Variants in PATJ observed in about 807,000 individuals in gnomAD.
PATJ encodes the protein PATJ crumbs cell polarity complex component, also known as inaD-like protein.
A neutral mutation model predicts 224.9 loss-of-function variants in PATJ; 190 were observed. The observed-to-expected ratio is 0.84, with a 90% confidence interval of 0.75 to 0.95. The LOEUF (loss-of-function observed/expected upper bound fraction) is 0.95, where lower values mean the gene tolerates loss of function less well. Among genes scored for constraint, PATJ ranks in the 40% least tolerant of loss-of-function variants. The pLI is 0.00. For synonymous variants in PATJ, 769 were observed against 820.3 expected (o/e 0.94, Z 1.07); for missense variants, 2,121 against 2,270.3 (o/e 0.93, Z 1.34).
intron 1 of PATJ, among the ~76,000 whole-genome samples, chr1:61,748,630 A>G (rs1645156344): frequency 6.6e-6 from 1 of 152,064 alleles, no homozygotes; most frequent in African/African-American, 2.4e-5. Flanking sequence ...CAGTGGTGAA[A>G]CATTTTATTT....
intron 30 of PATJ, chr1:62,038,586 GAAAT>G (rs2148514961): frequency 1.2e-5 from 2 of 162,108 alleles, no homozygotes; most frequent in East Asian, 3.6e-4. Context: ...ACTCCAAAAA[GAAAT>G]ACATACTTAT....
intron 24 of PATJ, among the ~76,000 whole-genome samples, chr1:61,905,959 A>G (rs1420063726): frequency 6.6e-6 from 1 of 152,214 alleles, no homozygotes; most frequent in Non-Finnish European, 1.5e-5. Context: ...ACTTGGATCT[A>G]GCATTACATC....
chr1:62,096,525 A>G (rs746907469), intron 33 of PATJ, among the ~76,000 whole-genome samples: 1 of 152,164 alleles, frequency 6.6e-6, no homozygotes, highest in Non-Finnish European at 1.5e-5. Flanking sequence ...CTTGTAGTAT[A>G]ATCTTTCTTG....
chr1:62,045,114 G>A (rs145028885), intron 30 of PATJ, among the ~76,000 whole-genome samples: 3,580 of 152,130 alleles, frequency 0.024, 53 homozygotes, highest in Non-Finnish European at 0.037. Flanking sequence ...TCAGCTACTC[G>A]GGAGGCTGAG....
chr1:62,114,310 A>G, intron 35 of PATJ, 64 bp downstream of exon 35: 1 of 1,375,344 alleles, frequency 7.3e-7, no homozygotes, highest in South Asian at 1.3e-5. Context: ...GCCTGTGAAC[A>G]CTGAAAGAGA....
chr1:61,883,431 C>A (rs1183143096), intron 21 of PATJ, among the ~76,000 whole-genome samples: 1 of 151,998 alleles, frequency 6.6e-6, no homozygotes, highest in Non-Finnish European at 1.5e-5. Flanking sequence ...TTCTTTCTAA[C>A]TCATAGTTTG....
intron 34 of PATJ, among the ~76,000 whole-genome samples, chr1:62,110,925 CT>C (rs1307200826): frequency 6.6e-6 from 1 of 152,180 alleles, no homozygotes; most frequent in African/African-American, 2.4e-5. Context: ...GCATACTGTG[CT>C]TCTGTAAGGC....
intron 14 of PATJ, chr1:61,816,558 G>C (rs962422194): frequency 2.0e-5 from 3 of 152,086 alleles, no homozygotes; most frequent in African/African-American, 7.2e-5. Flanking sequence ...TTCAAAAAAG[G>C]AAACAAATCA....
intron 17 of PATJ, among the ~76,000 whole-genome samples, chr1:61,850,535 A>G (rs941922734): frequency 6.6e-6 from 1 of 152,226 alleles, no homozygotes; most frequent in Non-Finnish European, 1.5e-5. Context: ...TCTGGTGGCC[A>G]AGTGCAATAT....
At chr1:61,948,727 G>C (rs1162440123) in intron 27 of PATJ, among the ~76,000 whole-genome samples, 1 of 152,088 alleles carries the variant, frequency 6.6e-6, no homozygotes, top group African/African-American at 2.4e-5. Context: ...TATACCCAAA[G>C]GACTATAAAT....
At chr1:62,132,918 A>T (rs1355231411) in intron 41 of PATJ, among the ~76,000 whole-genome samples, 2 of 152,148 alleles carry the variant, frequency 1.3e-5, no homozygotes, top group African/African-American at 2.4e-5. Flanking sequence ...AAAAAAAAAA[A>T]ATTACATAAG....
chr1:61,799,413 T>C (rs1056691480), intron 11 of PATJ, among the ~76,000 whole-genome samples: 4 of 152,168 alleles, frequency 2.6e-5, no homozygotes, highest in Admixed American at 2.6e-4. Context: ...GCCAGGCTGG[T>C]CTCAAACTCC....
intron 27 of PATJ, among the ~76,000 whole-genome samples, chr1:61,928,861 A>G (rs1675611157): frequency 1.3e-5 from 2 of 152,156 alleles, no homozygotes; most frequent in South Asian, 4.1e-4. Context: ...AAAAACTTGA[A>G]TTGTACTTTG....
chr1:62,019,310 T>C (rs2148393862), intron 29 of PATJ, among the ~76,000 whole-genome samples: 1 of 148,922 alleles, frequency 6.7e-6, no homozygotes, highest in Middle Eastern at 3.6e-3. Flanking sequence ...GATCACGAGG[T>C]CAGGAGTGCG....
chr1:61,856,517 T>C (rs903809002), intron 18 of PATJ, among the ~76,000 whole-genome samples: 3 of 152,226 alleles, frequency 2.0e-5, no homozygotes, highest in African/African-American at 7.2e-5. Context: ...ACTACCACTC[T>C]TACTACTATT....
In PATJ at chr1:62,148,121, TA is replaced by T. The variant is rs59697245; in HGVS notation, c.5272-143del. Among the ~76,000 whole-genome samples, 170 of 118,496 alleles carry T rather than the reference TA, an allele frequency of 1.4e-3. 1 individual carries two copies. The highest frequency in any genetic ancestry group is 1.3e-3 in the Non-Finnish European group (75 of 56,996). The allele number at this position is 118,496 out of a possible 152,430, so 77.7% of individuals were successfully genotyped here. On this transcript the variant is annotated intron_variant, in intron 41 of 43. Transcript: ENST00000642238. ...GAGCAACAGAGTGAGACACTGTCTT[TA>T]AAAAAAAAAAAAAAAAAAAGTTTGA...
intron 17 of PATJ, among the ~76,000 whole-genome samples, chr1:61,836,745 G>T (rs564983090): frequency 6.6e-6 from 1 of 152,096 alleles, no homozygotes; most frequent in Non-Finnish European, 1.5e-5. Flanking sequence ...TTTTTGCAAG[G>T]CCAGGCAAAG....
In PATJ at chr1:61,787,907, A is replaced by G. The variant is rs1557644864; in HGVS notation, c.1003A>G (p.Thr335Ala). ...AGATCCAGCTGGTGACATTTCAGTC[A>G]CCCCCCCTGCCCCTGCAGCCTTACC... is the stretch of plus-strand genomic sequence containing the variant. Reference protein sequence around the residue: ...ARDPAGDISVTPPAPAALPVA... With the variant: ...ARDPAGDISVAPPAPAALPVA... The change falls in exon 8 of 44, where the codon ACC becomes GCC. Residue 335 changes from threonine (T) to alanine (A), a missense_variant. Coordinates refer to ENST00000642238, the MANE Select transcript of PATJ (RefSeq NM_001350145.3). The G allele has an allele frequency of 1.2e-6, 2 of 1,612,432 alleles. No individual in the cohort carries two copies. The highest frequency in any genetic ancestry group is 1.3e-5 in the African/African-American group (1 of 74,516).
At chr1:61,985,587 A>C (rs748190973) in intron 27 of PATJ, among the ~76,000 whole-genome samples, 1 of 152,022 alleles carries the variant, frequency 6.6e-6, no homozygotes, top group South Asian at 2.1e-4. Context: ...TTTTGATTCT[A>C]CACTTGACTA....
Sources: gnomAD v4.1 joint callset for allele counts (sites outside exome capture counted in the v4.1 genomes callset) on GRCh38, gnomAD v4.1.1 for gene constraint, MANE v1.5 for transcripts, NCBI Gene and HGNC (gene_info 2026-07-23, HGNC 2026-07-21) for gene names.